ASIC2: variants seen among roughly 807,000 people sequenced by gnomAD.
ASIC2 encodes the protein acid-sensing ion channel 2.
In ASIC2, 25 loss-of-function variants were observed where a neutral mutation model predicts 57.3. That is an observed-to-expected ratio of 0.44 (90% CI 0.32 to 0.61). ASIC2 has a LOEUF of 0.61. Ranked by LOEUF, ASIC2 falls within the 20% of genes least tolerant of loss-of-function variation. The pLI, the probability that ASIC2 is intolerant of heterozygous loss-of-function variation, is 0.06. For missense variants in ASIC2, 641 were observed against 738.1 expected (o/e 0.87, Z 1.52); for synonymous variants, 319 against 307.5 (o/e 1.04, Z -0.39).
At chr17:34,091,110 A>G (rs1006437875) in intron 1 of ASIC2, among the ~76,000 whole-genome samples, 4 of 152,218 alleles carry the variant, frequency 2.6e-5, no homozygotes, top group Non-Finnish European at 5.9e-5. Context: ...ATATTCTTCA[A>G]TGAGATACCA....
intron 3 of ASIC2, among the ~76,000 whole-genome samples, chr17:33,030,645 A>G (rs1174483026): frequency 6.6e-6 from 1 of 152,146 alleles, no homozygotes; most frequent in Non-Finnish European, 1.5e-5. Flanking sequence ...TATTAGGAAT[A>G]TATTTTTCTT....
intron 1 of ASIC2, among the ~76,000 whole-genome samples, chr17:33,971,919 G>A (rs941749059): frequency 3.3e-5 from 5 of 152,014 alleles, no homozygotes; most frequent in Admixed American, 6.6e-5. Flanking sequence ...ATTCTTCCCC[G>A]AGACTGAGAA....
At position 33,292,310 on chromosome 17, in the gene ASIC2, G is replaced by T; in HGVS notation, c.-195C>A. The T allele has an allele frequency of 1.0e-6, 1 of 986,552 alleles. No homozygotes were observed. Among genetic ancestry groups the T allele is most frequent in the Non-Finnish European group, 1.2e-6 (1 of 831,608 alleles). 61.1% of individuals were successfully genotyped at this position (986,552 alleles called of 1,614,324 possible). On this transcript the variant is annotated 5_prime_UTR_variant, in exon 1 of 10. Coordinates refer to ENST00000225823, the MANE Select transcript of ASIC2 (RefSeq NM_183377.2). Reference sequence around the variant, plus strand: ...GCCGCTGCCGCCTCCGCGGGCGCCCGCCCGGGGCTGAGCGCCGCCTCAGCC... The same window carrying T: ...GCCGCTGCCGCCTCCGCGGGCGCCCTCCCGGGGCTGAGCGCCGCCTCAGCC...
intron 1 of ASIC2, among the ~76,000 whole-genome samples, chr17:33,521,874 C>T (rs1019793418): frequency 3.3e-5 from 5 of 152,224 alleles, no homozygotes; most frequent in African/African-American, 9.6e-5. Context: ...CAGGCTGTTC[C>T]TCTGGGTGTG....
intron 1 of ASIC2, among the ~76,000 whole-genome samples, chr17:33,364,053 T>C (rs1179333956): frequency 1.3e-5 from 2 of 152,154 alleles, no homozygotes; most frequent in Non-Finnish European, 2.9e-5. Context: ...GTTTGATGTG[T>C]GGGGAAACTG....
At chr17:33,145,834 T>A (rs954369377) in intron 1 of ASIC2, among the ~76,000 whole-genome samples, 1 of 152,152 alleles carries the variant, frequency 6.6e-6, no homozygotes, top group East Asian at 1.9e-4. Context: ...CTTTCTCCTC[T>A]TGATGACTTG....
intron 2 of ASIC2, among the ~76,000 whole-genome samples, chr17:33,105,556 T>C (rs2092231441): frequency 6.6e-6 from 1 of 152,250 alleles, no homozygotes; most frequent in Non-Finnish European, 1.5e-5. Flanking sequence ...GCTATGAAGA[T>C]ACTTGAAAAT....
intron 1 of ASIC2, among the ~76,000 whole-genome samples, chr17:33,117,693 A>G (rs1167544001): frequency 6.6e-6 from 1 of 152,196 alleles, no homozygotes; most frequent in African/African-American, 2.4e-5. Flanking sequence ...GTCATTCTCA[A>G]TTCCAGTGTT....
intron 1 of ASIC2, among the ~76,000 whole-genome samples, chr17:33,938,205 A>G (rs1204658399): frequency 1.3e-5 from 2 of 152,126 alleles, no homozygotes; most frequent in Non-Finnish European, 2.9e-5. Context: ...CCTAAACGGG[A>G]CAAAAAGGGG....
intron 1 of ASIC2, among the ~76,000 whole-genome samples, chr17:33,155,838 G>T (rs138562164): frequency 1.3e-5 from 2 of 152,128 alleles, no homozygotes; most frequent in East Asian, 3.9e-4. Flanking sequence ...CACTGCACCC[G>T]GTCCTCCACA....
chr17:33,040,820 C>T (rs1385535898), intron 3 of ASIC2, among the ~76,000 whole-genome samples: 1 of 152,188 alleles, frequency 6.6e-6, no homozygotes, highest in Non-Finnish European at 1.5e-5. Context: ...AGTGCTCAAC[C>T]TGATGGACGT....
intron 1 of ASIC2, among the ~76,000 whole-genome samples, chr17:33,362,690 C>T (rs987617002): frequency 5.9e-5 from 9 of 152,340 alleles, no homozygotes; most frequent in Middle Eastern, 3.4e-3. Context: ...TCTCCACTGA[C>T]CCTTGTGCCT....
intron 1 of ASIC2, among the ~76,000 whole-genome samples, chr17:33,267,165 C>A (rs1353743930): frequency 6.6e-6 from 1 of 152,142 alleles, no homozygotes; most frequent in Non-Finnish European, 1.5e-5. Flanking sequence ...CATTAAACAA[C>A]CACTGACTGC....
intron 3 of ASIC2, among the ~76,000 whole-genome samples, chr17:33,038,990 G>A (rs868604555): frequency 6.6e-6 from 1 of 152,208 alleles, no homozygotes; most frequent in Non-Finnish European, 1.5e-5. Flanking sequence ...CCCACACTCT[G>A]AGGCTTTGAC....
chr17:33,490,697 G>C (rs1033928483), intron 1 of ASIC2, among the ~76,000 whole-genome samples: 1 of 152,182 alleles, frequency 6.6e-6, no homozygotes, highest in Non-Finnish European at 1.5e-5. Context: ...GGAACTGTGA[G>C]TCAATTAAAC....
At chr17:34,029,997 C>T (rs1332556901) in intron 1 of ASIC2, among the ~76,000 whole-genome samples, 1 of 152,162 alleles carries the variant, frequency 6.6e-6, no homozygotes, top group Non-Finnish European at 1.5e-5. Context: ...CTGAACCAGG[C>T]TAACACAGAG....
chr17:33,918,712 G>A (rs575323144), intron 1 of ASIC2, among the ~76,000 whole-genome samples: 1 of 152,212 alleles, frequency 6.6e-6, no homozygotes, highest in Non-Finnish European at 1.5e-5. Context: ...CATGGAAGCT[G>A]TTAAGGAAAC....
chr17:33,837,411 A>G (rs1331835080), intron 1 of ASIC2, among the ~76,000 whole-genome samples: 1 of 152,244 alleles, frequency 6.6e-6, no homozygotes, highest in African/African-American at 2.4e-5. Flanking sequence ...AATGGTATAG[A>G]TACCCAGATA....
At chr17:33,307,307 T>C (rs12949083) in intron 1 of ASIC2, among the ~76,000 whole-genome samples, 1 of 123,556 alleles carries the variant, frequency 8.1e-6, no homozygotes, top group Non-Finnish European at 1.8e-5. Flanking sequence ...TCTTCTTCTT[T>C]TTCTTCTTCG....
Sources: gnomAD v4.1 joint callset for allele counts (sites outside exome capture counted in the v4.1 genomes callset) on GRCh38, gnomAD v4.1.1 for gene constraint, MANE v1.5 for transcripts, NCBI Gene and HGNC (gene_info 2026-07-23, HGNC 2026-07-21) for gene names.